LHCGR: variants seen among roughly 807,000 people sequenced by gnomAD.
LHCGR encodes luteinizing hormone/choriogonadotropin receptor, also known as lutropin-choriogonadotropic hormone receptor.
Under a neutral mutation model 60.7 loss-of-function variants are expected in LHCGR, and 55 were observed. The observed-to-expected ratio is 0.91, with a 90% confidence interval of 0.73 to 1.13. The LOEUF is 1.13. Ranked by LOEUF, LHCGR falls within the 50% of genes most tolerant of loss-of-function variation. The probability of loss-of-function intolerance (pLI) is 0.00; values close to 1 mark genes in which losing one functional copy is unlikely to be tolerated. For missense variants in LHCGR, 862 were observed against 836.0 expected, an observed-to-expected ratio of 1.03 and a Z score of -0.38; for synonymous variants, 337 against 316.5, an observed-to-expected ratio of 1.06 and a Z score of -0.69.
At chr2:48,736,126 C>G (rs1324976666) in intron 1 of LHCGR, among the ~76,000 whole-genome samples, 1 of 152,162 alleles carries the variant, frequency 6.6e-6, no homozygotes, top group Non-Finnish European at 1.5e-5. Context: ...TGTGAGCCAA[C>G]TAAACCTCTT....
At chr2:48,741,824 C>A (rs1417301146) in intron 1 of LHCGR, among the ~76,000 whole-genome samples, 2 of 151,312 alleles carry the variant, frequency 1.3e-5, no homozygotes, top group East Asian at 1.9e-4. Context: ...ATGACAGGAT[C>A]AAATTCACAC....
In LHCGR at chr2:48,688,512, G is replaced by T; in HGVS notation, c.1285C>A (p.His429Asn). 1 of 1,614,162 alleles carries T rather than the reference G, an allele frequency of 6.2e-7. No individual in the cohort carries two copies. The highest frequency in any genetic ancestry group is 8.5e-7 in the Non-Finnish European group (1 of 1,179,992). The change falls in exon 11 of 11, where the codon CAT becomes AAT. Residue 429 changes from histidine (H) to asparagine (N), a missense_variant. By Grantham distance (68) the His-to-Asn change is moderately conservative. Transcript: ENST00000294954. This position sits in a 1 kb window ranked among gnomAD's most constrained non-coding sequence, Gnocchi z 5.2. Reference sequence around the variant, plus strand: ...CTCCCTGTCTGCCAGTCTATGGCATGGTTATAGTACTGGCCCTTGGTTTGG... The same window carrying T: ...CTCCCTGTCTGCCAGTCTATGGCATTGTTATAGTACTGGCCCTTGGTTTGG... ...DSQTKGQYYN[H>N]AIDWQTGSGC...
Position 48,709,041 on chromosome 2 carries a change from C to A in LHCGR, c.606-19G>T. 6.2e-7 allele frequency: 1 copy of A among 1,602,936 alleles called. No homozygotes were observed. Among genetic ancestry groups the A allele is most frequent in the Non-Finnish European group, 8.5e-7 (1 of 1,169,776 alleles). On this transcript the variant is annotated intron_variant, in intron 7 of 10. Transcript: ENST00000294954. ...TAGCTCCCTGTGGGGAAGGATATTG[C>A]CCTTAGTGGAGTTTGTACCTCATGT... is the stretch of plus-strand genomic sequence containing the variant.
chr2:48,719,088 T>C (rs555025429), intron 6 of LHCGR, among the ~76,000 whole-genome samples: 293 of 152,222 alleles, frequency 1.9e-3, no homozygotes, highest in African/African-American at 6.9e-3. Flanking sequence ...TTTGGGAGGC[T>C]GAGGCGGGCG....
intron 2 of LHCGR, 115 bp from the exon 3 acceptor site, chr2:48,729,342 GA>G (rs1668884850): frequency 1.2e-6 from 1 of 809,376 alleles, no homozygotes; most frequent in African/African-American, 1.7e-5. Flanking sequence ...GTGTCCCCCT[GA>G]AAAGAACAAA....
intron 3 of LHCGR, 142 bp downstream of exon 3, chr2:48,729,011 G>C (rs1045309362): frequency 1.3e-6 from 1 of 746,822 alleles, no homozygotes; most frequent in Non-Finnish European, 2.4e-6. Flanking sequence ...AGAAAAATTA[G>C]TGCCTGCCCA....
chr2:48,743,346 G>A (rs530110837), intron 1 of LHCGR, among the ~76,000 whole-genome samples: 5 of 152,214 alleles, frequency 3.3e-5, no homozygotes, highest in African/African-American at 9.6e-5. Context: ...CATTTTATGA[G>A]GCCAGCATCA....
In LHCGR at chr2:48,688,330, T is replaced by C. The variant is rs1202030462; in HGVS notation, c.1467A>G (p.Gly489=). 6.2e-7 allele frequency: 1 copy of C among 1,614,002 alleles called. No individual in the cohort carries two copies. Among genetic ancestry groups the C allele is most frequent in the African/African-American group, 1.3e-5 (1 of 74,894 alleles). ...RLRHAILIML[G]GWLFSSLIAM... ...CAATTAGAGAAGAAAAGAGCCATCCTCCAAGCATAATCAGAATGGCATGTC... is the reference window on the plus strand; with the variant it reads ...CAATTAGAGAAGAAAAGAGCCATCCCCCAAGCATAATCAGAATGGCATGTC... The change falls in exon 11 of 11, where the codon GGA becomes GGG. Residue 489 remains glycine (G), a synonymous_variant. Coordinates refer to ENST00000294954, the MANE Select transcript of LHCGR (RefSeq NM_000233.4). The surrounding 1 kb of genome is among the most constrained non-coding windows in gnomAD (Gnocchi z 5.2).
chr2:48,723,522 T>G lies in LHCGR; in HGVS notation c.470A>C (p.Asp157Ala), dbSNP rs1184908225. 1.2e-6 allele frequency: 2 copies of G among 1,612,908 alleles called. No homozygotes were observed. Among genetic ancestry groups the G allele is most frequent in the Non-Finnish European group, 1.7e-6 (2 of 1,178,898 alleles). The change falls in exon 6 of 11, where the codon GAT (aspartate) becomes GCT (alanine). Residue 157 changes from aspartate to alanine, a missense_variant. By Grantham distance (126) the Asp-to-Ala change is moderately radical. Transcript: ENST00000294954. The stretch of plus-strand genomic sequence containing the variant: ...TGGTATGGTGGTTATGTGTAAGTTA[T>G]CACAAATTTCCCTTGAGGAAAGAAA... ...SESNFILEIC[D>A]NLHITTIPGN...
chr2:48,752,740 G>GT (rs1670013844), intron 1 of LHCGR, among the ~76,000 whole-genome samples: 1 of 151,590 alleles, frequency 6.6e-6, no homozygotes, highest in Non-Finnish European at 1.5e-5. Flanking sequence ...TCTTTCTAAG[G>GT]TTAATCTTTC....
At chr2:48,736,838 G>T (rs569261025) in intron 1 of LHCGR, among the ~76,000 whole-genome samples, 4 of 152,192 alleles carry the variant, frequency 2.6e-5, no homozygotes, top group Non-Finnish European at 5.9e-5. Flanking sequence ...TGGATTTACT[G>T]CAGGGTTGCT....
intron 10 of LHCGR, among the ~76,000 whole-genome samples, chr2:48,693,732 T>G (rs1012071152): frequency 2.0e-5 from 3 of 152,236 alleles, no homozygotes; most frequent in African/African-American, 7.2e-5. Context: ...AACAGAGATG[T>G]AGCTTCCATC....
intron 1 of LHCGR, among the ~76,000 whole-genome samples, chr2:48,737,780 A>T (rs1669265687): frequency 6.6e-6 from 1 of 152,230 alleles, no homozygotes; most frequent in Non-Finnish European, 1.5e-5. Context: ...GGTGGTTTTG[A>T]TTATTGTTGA....
intron 8 of LHCGR, among the ~76,000 whole-genome samples, chr2:48,702,424 C>T (rs546354896): frequency 6.6e-6 from 1 of 152,158 alleles, no homozygotes; most frequent in African/African-American, 2.4e-5. Flanking sequence ...GCTGCCCACC[C>T]GCCGACAGGC....
At chr2:48,752,725 C>G (rs1373303654) in intron 1 of LHCGR, among the ~76,000 whole-genome samples, 1 of 151,972 alleles carries the variant, frequency 6.6e-6, no homozygotes, top group African/African-American at 2.4e-5. Context: ...CTCAAAACTT[C>G]TTATTCTTTC....
Position 48,703,889 on chromosome 2 carries a change from C to T in LHCGR, c.680+5059G>A, listed in dbSNP as rs143682257. Among the ~76,000 whole-genome samples the T allele has an allele frequency of 2.5e-3, 374 of 152,196 alleles. 12 individuals are homozygous for T. In the East Asian group the frequency reaches 0.052, roughly 21 times the overall value. On this transcript the variant is annotated intron_variant, in intron 8 of 10. Coordinates refer to ENST00000294954, the MANE Select transcript of LHCGR (RefSeq NM_000233.4). ...ATGAATACCCTTTATTTCCTTCTCT[C>T]GCCTGATTGCCCTGGCCAGAACTTC...
chr2:48,747,177 T>G (rs755403522), intron 1 of LHCGR, among the ~76,000 whole-genome samples: 6 of 152,024 alleles, frequency 3.9e-5, no homozygotes, highest in Non-Finnish European at 8.8e-5. Flanking sequence ...GCAACCTCTG[T>G]CTCCTGGTTC....
At chr2:48,754,068 G>A (rs1670099402) in intron 1 of LHCGR, among the ~76,000 whole-genome samples, 1 of 152,084 alleles carries the variant, frequency 6.6e-6, no homozygotes, top group South Asian at 2.1e-4. Context: ...GACCAGGGCT[G>A]GAACTTGGAA....
chr2:48,732,387 G>A (rs778054780), intron 1 of LHCGR, among the ~76,000 whole-genome samples: 1 of 152,176 alleles, frequency 6.6e-6, no homozygotes, highest in African/African-American at 2.4e-5. Flanking sequence ...TTCTAGGAAA[G>A]AACACCTCCA....
Sources: allele counts gnomAD v4.1 joint callset (sites outside exome capture counted in the v4.1 genomes callset), GRCh38; gene constraint gnomAD v4.1.1; non-coding constraint Gnocchi (gnomAD v3.1); transcripts MANE v1.5; gene names NCBI Gene and HGNC (gene_info 2026-07-23, HGNC 2026-07-21).